MMP25: variants seen among roughly 807,000 people sequenced by gnomAD.
The protein encoded by MMP25 is matrix metalloproteinase-25.
Under a neutral mutation model 62.1 loss-of-function variants are expected in MMP25, and 68 were observed. That is an observed-to-expected ratio of 1.10 (90% confidence interval 0.90 to 1.34). The LOEUF (loss-of-function observed/expected upper bound fraction) is 1.34. Ranked by LOEUF, MMP25 falls within the 40% of genes most tolerant of loss-of-function variation. The pLI is 0.00. For missense variants in MMP25, 942 were observed against 792.5 expected, an observed-to-expected ratio of 1.19 and a Z score of -2.26; for synonymous variants, 407 against 345.6, an observed-to-expected ratio of 1.18 and a Z score of -1.97.
At chr16:3,047,607 C>T in intron 2 of MMP25, 60 bp downstream of exon 2, 5 of 1,572,070 alleles carry the variant, frequency 3.2e-6, no homozygotes, top group South Asian at 1.1e-5. Flanking sequence ...CACCGCCCAA[C>T]AGCCTTTAGA....
chr16:3,052,621 A>G lies in MMP25; in HGVS notation c.661+2075A>G, dbSNP rs187693953. 1,312 of 152,852 alleles carry G rather than the reference A, an allele frequency of 8.6e-3. 13 individuals carry two copies. Among genetic ancestry groups the G allele is most frequent in the Non-Finnish European group, 0.014 (971 of 68,300 alleles). The allele number at this position is 152,852 out of a possible 1,614,324, so 9.5% of individuals were successfully genotyped here. A position where few individuals can be genotyped will look rare whatever the true frequency, so the allele number is the denominator to read the frequency against. On this transcript the variant is annotated intron_variant, in intron 4 of 9. Coordinates refer to ENST00000336577, the MANE Select transcript of MMP25 (RefSeq NM_022468.5). ...ATTGAGATCTGGCTGGATCCTGGTG[A>G]CAGGGGAGATGAGGCTGGGGCCCTT...
chr16:3,046,845 T>C lies in MMP25; in HGVS notation c.-73T>C. On this transcript the variant is annotated 5_prime_UTR_variant, in exon 1 of 10. Transcript: ENST00000336577. Reference sequence around the variant, plus strand: ...CCGCCCTCTCCAGGCCCGGATCTCCTCCCCCAGGTCCCCGGGGCGGCCCCA... The same window carrying C: ...CCGCCCTCTCCAGGCCCGGATCTCCCCCCCCAGGTCCCCGGGGCGGCCCCA... The C allele has an allele frequency of 4.7e-6, 4 of 850,272 alleles. No individual in the cohort carries two copies. In the South Asian group the frequency reaches 9.5e-5, roughly 20 times the overall value. 52.7% of individuals were successfully genotyped at this position (850,272 alleles called of 1,614,324 possible).
chr16:3,056,948 G>T, intron 4 of MMP25, 85 bp from the exon 5 acceptor site: 1 of 1,430,862 alleles, frequency 7.0e-7, no homozygotes, highest in Non-Finnish European at 9.3e-7. Context: ...TGTTCCTGTT[G>T]GCCCCAGCTG....
intron 4 of MMP25, among the ~76,000 whole-genome samples, chr16:3,055,507 C>T (rs887458274): frequency 1.3e-5 from 2 of 152,148 alleles, no homozygotes; most frequent in Admixed American, 1.3e-4. Context: ...GCTGGCAGAG[C>T]CAGGGTACCT....
Position 3,050,505 on chromosome 16 carries a change from C to G in MMP25, c.620C>G (p.Thr207Ser). ...FPGEHPISGD[T>S]HFDDEETWTF... Reference sequence around the variant, plus strand: ...GGGGAGCACCCCATCTCCGGGGACACTCACTTTGACGATGAGGAGACCTGG... The same window carrying G: ...GGGGAGCACCCCATCTCCGGGGACAGTCACTTTGACGATGAGGAGACCTGG... Residue 207 changes from threonine to serine, a missense_variant, in exon 4 of 10, where the codon ACT becomes AGT. By Grantham distance (58) the Thr-to-Ser change is moderately conservative. Coordinates refer to ENST00000336577, the MANE Select transcript of MMP25 (RefSeq NM_022468.5). 6.3e-7 allele frequency: 1 copy of G among 1,586,102 alleles called. No homozygotes were observed. Among genetic ancestry groups the G allele is most frequent in the Non-Finnish European group, 8.6e-7 (1 of 1,163,830 alleles).
chr16:3,058,941 C>T lies in MMP25; in HGVS notation c.1532C>T (p.Pro511Leu). The change falls in exon 10 of 10, where the codon CCG becomes CTG. Residue 511 changes from proline (P) to leucine (L), a missense_variant. Transcript: ENST00000336577. ...MGPNWLDCPAPSSGPRAPRPP... is the reference protein window; with the variant it reads ...MGPNWLDCPALSSGPRAPRPP... ...CCCAACTGGCTGGACTGCCCCGCCC[C>T]GAGCTCTGGTCCCCGCGCCCCCAGG... 2 of 1,549,758 alleles carry T rather than the reference C, an allele frequency of 1.3e-6. No individual in the cohort carries two copies. Among genetic ancestry groups the T allele is most frequent in the South Asian group, 1.2e-5 (1 of 83,956 alleles).
rs1192100090 is a variant in MMP25, at chr16:3,057,181, T to A, written c.810T>A (p.Asp270Glu). The part of the protein sequence containing the change: ...GDPDKYRLSQ[D>E]DRDGLQQLYG... Reference sequence around the variant, plus strand: ...CTGACAAGTACCGCCTGTCTCAGGATGACCGCGATGGCCTGCAGCAACTCT... The same window carrying A: ...CTGACAAGTACCGCCTGTCTCAGGAAGACCGCGATGGCCTGCAGCAACTCT... Residue 270 changes from aspartate (D) to glutamate (E), a missense_variant, in exon 5 of 10, where the codon GAT (aspartate) becomes GAA (glutamate). Physicochemically the swap from Asp to Glu is conservative, Grantham distance 45. Coordinates refer to ENST00000336577, the MANE Select transcript of MMP25 (RefSeq NM_022468.5). The A allele has an allele frequency of 6.2e-7, 1 of 1,612,444 alleles. No homozygotes were observed. Among genetic ancestry groups the A allele is most frequent in the African/African-American group, 1.3e-5 (1 of 74,856 alleles).
At chr16:3,057,646 G>A in intron 7 of MMP25, 33 bp downstream of exon 7, 1 of 1,598,750 alleles carries the variant, frequency 6.3e-7, no homozygotes, top group Non-Finnish European at 8.6e-7. Context: ...ATATATGTTG[G>A]TTTCCTGCCC....
chr16:3,055,276 G>A (rs1955986516), intron 4 of MMP25, among the ~76,000 whole-genome samples: 1 of 152,134 alleles, frequency 6.6e-6, no homozygotes, highest in Admixed American at 6.5e-5. Context: ...TGACAAGGGT[G>A]CAGGAAGGGG....
intron 1 of MMP25, among the ~76,000 whole-genome samples, 195 bp downstream of exon 1, chr16:3,047,211 G>A (rs985720074): frequency 6.6e-6 from 1 of 152,238 alleles, no homozygotes; most frequent in African/African-American, 2.4e-5. Flanking sequence ...CTGGAAAGGA[G>A]CTGAGGTGCG....
Position 3,057,107 on chromosome 16 carries a change from G to T in MMP25, c.736G>T (p.Ala246Ser), listed in dbSNP as rs1173059925. 1 of 1,613,268 alleles carries T rather than the reference G, an allele frequency of 6.2e-7. No homozygotes were observed. Among genetic ancestry groups the T allele is most frequent in the Non-Finnish European group, 8.5e-7 (1 of 1,179,686 alleles). The part of the protein sequence containing the change: ...GHALGLGHSS[A>S]PNSIMRPFYQ... ...CGCCCTGGGCCTGGGCCACTCCTCAGCCCCCAACTCCATTATGAGGCCCTT... is the reference window on the plus strand; with the variant it reads ...CGCCCTGGGCCTGGGCCACTCCTCATCCCCCAACTCCATTATGAGGCCCTT... Residue 246 changes from alanine to serine, a missense_variant, in exon 5 of 10, where the codon GCC (alanine) becomes TCC (serine). Physicochemically the swap from Ala to Ser is moderately conservative, Grantham distance 99. Coordinates refer to ENST00000336577, the MANE Select transcript of MMP25 (RefSeq NM_022468.5).
Position 3,050,248 on chromosome 16 carries a change from C to A in MMP25, c.369-6C>A. ...CCACCCTTACACCTCACTCCCCTCTCCCCAGGGTACGTTCCTTCCCCCAGA... is the reference window on the plus strand; with the variant it reads ...CCACCCTTACACCTCACTCCCCTCTACCCAGGGTACGTTCCTTCCCCCAGA... On this transcript the variant is annotated splice_region_variant and splice_polypyrimidine_tract_variant and intron_variant, in intron 3 of 9. Coordinates refer to ENST00000336577, the MANE Select transcript of MMP25 (RefSeq NM_022468.5). 6.3e-7 allele frequency: 1 copy of A among 1,587,360 alleles called. No individual in the cohort carries two copies. Among genetic ancestry groups the A allele is most frequent in the Non-Finnish European group, 8.6e-7 (1 of 1,163,618 alleles).
chr16:3,057,310 G>C lies in MMP25; in HGVS notation c.839G>C (p.Gly280Ala). 6.2e-7 allele frequency: 1 copy of C among 1,614,054 alleles called. No individual in the cohort carries two copies. The highest frequency in any genetic ancestry group is 8.5e-7 in the Non-Finnish European group (1 of 1,180,006). ...CACCTGCCTGACTCTTTCCTCACAGGGAAGGCGCCCCAAACCCCATATGAC... is the reference window on the plus strand; with the variant it reads ...CACCTGCCTGACTCTTTCCTCACAGCGAAGGCGCCCCAAACCCCATATGAC... Reference protein sequence around the residue: ...DDRDGLQQLYGKAPQTPYDKP... With the variant: ...DDRDGLQQLYAKAPQTPYDKP... The change falls in exon 6 of 10, where the codon GGG becomes GCG. Residue 280 changes from glycine to alanine, a missense_variant and splice_region_variant. Gly to Ala is a moderately conservative substitution (Grantham distance 60). Coordinates refer to ENST00000336577, the MANE Select transcript of MMP25 (RefSeq NM_022468.5).
intron 4 of MMP25, among the ~76,000 whole-genome samples, chr16:3,055,264 C>T (rs1049928416): frequency 3.9e-5 from 6 of 152,056 alleles, no homozygotes; most frequent in South Asian, 2.1e-4. Flanking sequence ...AGATGCATGG[C>T]GTGACAAGGG....
At chr16:3,050,819 T>A (rs1955892223) in intron 4 of MMP25, among the ~76,000 whole-genome samples, 1 of 151,930 alleles carries the variant, frequency 6.6e-6, no homozygotes, top group Non-Finnish European at 1.5e-5. Flanking sequence ...AGAAACAGGG[T>A]CTCATTATCT....
rs1364352776 is a variant in MMP25, at chr16:3,046,716, TGGCCCTCCGG to T, written c.-200_-191del. ...CCCACCCGACCCAGCGGCGCGACCC[TGGCCCTCCGG>T]GACCCTCCGCTGACTCCACCGCGCA... On this transcript the variant is annotated 5_prime_UTR_variant, in exon 1 of 10. Transcript: ENST00000336577. 2.5e-6 allele frequency: 1 copy of T among 405,296 alleles called. No individual in the cohort carries two copies. Among genetic ancestry groups the T allele is most frequent in the African/African-American group, 2.1e-5 (1 of 47,768 alleles). The allele number at this position is 405,296 out of a possible 1,614,324, so 25.1% of individuals were successfully genotyped here.
intron 4 of MMP25, chr16:3,052,069 T>C (rs1037502299): frequency 6.6e-6 from 1 of 151,900 alleles, no homozygotes; most frequent in Non-Finnish European, 1.5e-5. Context: ...GAGGTTGCAG[T>C]GAGCCGAGAT....
intron 2 of MMP25, among the ~76,000 whole-genome samples, chr16:3,048,388 GTTCCT>G (rs1955851882): frequency 6.6e-6 from 1 of 152,172 alleles, no homozygotes; most frequent in African/African-American, 2.4e-5. Context: ...AGTAGGTAAG[GTTCCT>G]GCTCTCATGG....
chr16:3,054,581 C>G (rs563841011), intron 4 of MMP25: 2 of 129,918 alleles, frequency 1.5e-5, no homozygotes, highest in East Asian at 4.3e-4. Context: ...TGCACAGAGG[C>G]GGGGATGGAT....
Sources: gnomAD v4.1 joint callset for allele counts (sites outside exome capture counted in the v4.1 genomes callset) on GRCh38, gnomAD v4.1.1 for gene constraint, MANE v1.5 for transcripts, NCBI Gene and HGNC (gene_info 2026-07-23, HGNC 2026-07-21) for gene names.